ANO3: variants seen among roughly 807,000 people sequenced by gnomAD.
The protein encoded by ANO3 is anoctamin-3.
A neutral mutation model predicts 144.8 loss-of-function variants in ANO3; 99 were observed. That is an observed-to-expected ratio of 0.68 (90% CI 0.58 to 0.81). ANO3 has a LOEUF of 0.81. Among genes scored for constraint, ANO3 ranks in the 30% least tolerant of loss-of-function variants. The pLI, the probability that ANO3 is intolerant of heterozygous loss-of-function variation, is 0.00. For synonymous variants in ANO3, 414 were observed against 392.6 expected (o/e 1.05, Z -0.64); for missense variants, 905 against 1,202.2 (o/e 0.75, Z 3.66).
At chr11:26,571,043 A>C (rs11826088) in intron 14 of ANO3, among the ~76,000 whole-genome samples, 19,140 of 152,098 alleles carry the variant, frequency 0.13, 1,300 homozygotes, top group East Asian at 0.27. Context: ...AAGTTTGAGA[A>C]CATTATTCTG....
At chr11:26,235,687 T>A (rs944125581) in intron 1 of ANO3, among the ~76,000 whole-genome samples, 1 of 152,040 alleles carries the variant, frequency 6.6e-6, no homozygotes, top group Non-Finnish European at 1.5e-5. Flanking sequence ...TTTGTTCTGC[T>A]TATTTTTCAC....
chr11:26,307,477 G>C (rs561750082), upstream of ANO3, among the ~76,000 whole-genome samples: 1 of 152,026 alleles, frequency 6.6e-6, no homozygotes, highest in Admixed American at 6.5e-5. Flanking sequence ...GAGGCAGGCC[G>C]ATCACCTAAG....
chr11:26,588,357 A>T (rs1851348676), intron 14 of ANO3, among the ~76,000 whole-genome samples: 1 of 152,178 alleles, frequency 6.6e-6, no homozygotes, highest in Non-Finnish European at 1.5e-5. Flanking sequence ...TAACAATTTT[A>T]AAAAGTGAGA....
intron 24 of ANO3, among the ~76,000 whole-genome samples, chr11:26,653,027 C>T (rs1015807742): frequency 1.3e-5 from 2 of 152,228 alleles, no homozygotes; most frequent in Non-Finnish European, 2.9e-5. Flanking sequence ...CTCCTCATCT[C>T]TCAGCTTTAG....
intron 20 of ANO3, among the ~76,000 whole-genome samples, chr11:26,638,413 CTT>C (rs1034256527): frequency 6.6e-6 from 1 of 152,190 alleles, no homozygotes; most frequent in Non-Finnish European, 1.5e-5. Context: ...ATTAGACAAA[CTT>C]AGATTGTGGG....
intron 11 of ANO3, among the ~76,000 whole-genome samples, chr11:26,544,591 GTTC>G (rs34171535): frequency 0.66 from 99,269 of 151,070 alleles, 32,878 homozygotes; most frequent in East Asian, 0.83. Context: ...CATTTTAAAT[GTTC>G]TTACCATAAA....
chr11:26,565,368 C>T (rs1261958322), intron 14 of ANO3: 4 of 1,612,924 alleles, frequency 2.5e-6, no homozygotes, highest in African/African-American at 2.7e-5. Flanking sequence ...TGTAATGGAA[C>T]TGTTATCAGG....
At chr11:26,349,132 G>T (rs1182374576) in intron 1 of ANO3, among the ~76,000 whole-genome samples, 1 of 152,100 alleles carries the variant, frequency 6.6e-6, no homozygotes, top group Non-Finnish European at 1.5e-5. Context: ...TTTACTGATT[G>T]ACTTACACAC....
At chr11:26,642,840 T>C (rs999368832) in intron 22 of ANO3, among the ~76,000 whole-genome samples, 1 of 152,064 alleles carries the variant, frequency 6.6e-6, no homozygotes, top group Non-Finnish European at 1.5e-5. Flanking sequence ...TCTTATTCTT[T>C]CTTCTTCCTC....
chr11:26,279,148 C>T (rs1266912199), intron 1 of ANO3, among the ~76,000 whole-genome samples: 1 of 152,146 alleles, frequency 6.6e-6, no homozygotes, highest in East Asian at 1.9e-4. Flanking sequence ...ATGTATCTTC[C>T]CTAGAGTCTG....
chr11:26,650,935 G>A (rs2133082946), intron 24 of ANO3, among the ~76,000 whole-genome samples: 1 of 152,216 alleles, frequency 6.6e-6, no homozygotes, highest in South Asian at 2.1e-4. Flanking sequence ...CTCACTACTA[G>A]CTTGTCATTT....
chr11:26,216,299 G>A lies in ANO3; in HGVS notation c.154+26969G>A, dbSNP rs1353177092. Reference sequence around the variant, plus strand: ...AATTTCACTATGTTGAATATCCACTGGGCTTCATTAATTAACCTCCCTCCT... The same window carrying A: ...AATTTCACTATGTTGAATATCCACTAGGCTTCATTAATTAACCTCCCTCCT... On this transcript the variant is annotated intron_variant, in intron 1 of 27. Coordinates refer to the ANO3 transcript ENST00000672621. Among the ~76,000 whole-genome samples the A allele has an allele frequency of 5.9e-5, 9 of 151,888 alleles. No individual in the cohort carries two copies. The East Asian group carries it at 1.5e-3, about 26-fold the overall frequency.
At chr11:26,427,940 G>A (rs11029555) in intron 1 of ANO3, among the ~76,000 whole-genome samples, 48,017 of 151,910 alleles carry the variant, frequency 0.32, 8,617 homozygotes, top group African/African-American at 0.5. Context: ...CATGAGAACA[G>A]CATGGAGGTA....
intron 17 of ANO3, among the ~76,000 whole-genome samples, chr11:26,617,864 A>C (rs1852305401): frequency 6.6e-6 from 1 of 152,204 alleles, no homozygotes; most frequent in South Asian, 2.1e-4. Context: ...AAAGCACATC[A>C]CAGATTACTA....
At chr11:26,494,091 AT>A (rs943332165) in intron 4 of ANO3, among the ~76,000 whole-genome samples, 5 of 152,076 alleles carry the variant, frequency 3.3e-5, no homozygotes, top group African/African-American at 1.2e-4. Context: ...TAAACTTGTT[AT>A]TTTTTTAGAT....
At chr11:26,372,984 A>G (rs1856304684) in intron 1 of ANO3, among the ~76,000 whole-genome samples, 1 of 152,234 alleles carries the variant, frequency 6.6e-6, no homozygotes, top group Non-Finnish European at 1.5e-5. Context: ...AAAATTGATA[A>G]TAAACTAATT....
chr11:26,440,565 A>G (rs1858475892), intron 1 of ANO3, among the ~76,000 whole-genome samples: 1 of 152,178 alleles, frequency 6.6e-6, no homozygotes, highest in Admixed American at 6.5e-5. Flanking sequence ...AAACATGAAG[A>G]ATGAACTGAG....
At chr11:26,546,073 C>G (rs549760634) in intron 11 of ANO3, among the ~76,000 whole-genome samples, 58 of 151,764 alleles carry the variant, frequency 3.8e-4, no homozygotes, top group African/African-American at 1.4e-3. Flanking sequence ...TCTGTGCAAC[C>G]CTCTGTCACC....
chr11:26,399,966 A>G (rs1857107172), intron 1 of ANO3, among the ~76,000 whole-genome samples: 1 of 152,112 alleles, frequency 6.6e-6, no homozygotes, highest in Admixed American at 6.6e-5. Context: ...TAAAACACAC[A>G]GCATTTAGGA....
Sources: allele counts gnomAD v4.1 joint callset (sites outside exome capture counted in the v4.1 genomes callset), GRCh38; gene constraint gnomAD v4.1.1; transcripts MANE v1.5; gene names NCBI Gene and HGNC (gene_info 2026-07-23, HGNC 2026-07-21).